Variants in RBFOX1 observed in about 807,000 individuals in gnomAD.
The protein encoded by RBFOX1 is RNA binding protein fox-1 homolog 1.
A neutral mutation model predicts 57.7 loss-of-function variants in RBFOX1; 8 were observed. The observed-to-expected ratio is 0.14, with a 90% CI of 0.08 to 0.25. The LOEUF (loss-of-function observed/expected upper bound fraction) is 0.25, where lower values mean the gene tolerates loss of function less well. RBFOX1 is among the 10% of genes least tolerant of loss of function. The pLI is 1.00. For missense variants in RBFOX1, 611 were observed against 548.5 expected (o/e 1.11, Z -1.14); for synonymous variants, 326 against 222.4 (o/e 1.47, Z -4.15).
At chr16:7,155,736 T>TACACAC (rs1476111320) in intron 4 of RBFOX1, among the ~76,000 whole-genome samples, 3 of 83,378 alleles carry the variant, frequency 3.6e-5, no homozygotes, top group Non-Finnish European at 6.3e-5. Context: ...TATATATATA[T>TACACAC]ATACACACAC....
intron 2 of RBFOX1, among the ~76,000 whole-genome samples, chr16:6,420,413 A>G (rs955525927): frequency 2.6e-5 from 4 of 152,066 alleles, no homozygotes; most frequent in Non-Finnish European, 5.9e-5. Flanking sequence ...GCACTTTATA[A>G]TTTTTACAAT....
chr16:6,537,811 G>C (rs560997299), intron 2 of RBFOX1, among the ~76,000 whole-genome samples: 1 of 152,172 alleles, frequency 6.6e-6, no homozygotes, highest in Admixed American at 6.5e-5. Flanking sequence ...TTCAGGAAAT[G>C]ATTTACATAT....
intron 11 of RBFOX1, among the ~76,000 whole-genome samples, chr16:7,647,266 G>T (rs1028074798): frequency 7.2e-5 from 11 of 152,118 alleles, no homozygotes; most frequent in Non-Finnish European, 1.2e-4. Context: ...TGCTCAATTG[G>T]TATTTTCTCT....
intron 4 of RBFOX1, among the ~76,000 whole-genome samples, chr16:7,138,538 T>G (rs2072695044): frequency 6.6e-6 from 1 of 152,178 alleles, no homozygotes; most frequent in Non-Finnish European, 1.5e-5. Context: ...AGCACAGTTT[T>G]GTGTTATTGT....
intron 3 of RBFOX1, among the ~76,000 whole-genome samples, chr16:6,980,559 C>G (rs1390123631): frequency 3.3e-5 from 5 of 152,184 alleles, no homozygotes; most frequent in African/African-American, 4.8e-5. Context: ...ACATGAGAAT[C>G]AAAAGCGAGT....
At chr16:5,940,542 T>C (rs539799711) in intron 4 of RBFOX1, among the ~76,000 whole-genome samples, 2 of 152,314 alleles carry the variant, frequency 1.3e-5, no homozygotes, top group African/African-American at 4.8e-5. Context: ...GTTTGTAGAA[T>C]TTTAATGACA....
At chr16:7,394,106 C>T (rs896487682) in intron 4 of RBFOX1, among the ~76,000 whole-genome samples, 12 of 151,618 alleles carry the variant, frequency 7.9e-5, no homozygotes, top group African/African-American at 2.4e-4. Flanking sequence ...TGTCCTGGTG[C>T]GTGCCTGTAA....
intron 3 of RBFOX1, among the ~76,000 whole-genome samples, chr16:6,659,499 C>T (rs1027475451): frequency 6.6e-6 from 1 of 152,080 alleles, no homozygotes; most frequent in African/African-American, 2.4e-5. Flanking sequence ...ATACTTAAAA[C>T]AGTTGTGGTG....
chr16:5,498,769 A>C (rs772718059), intron 2 of RBFOX1, among the ~76,000 whole-genome samples: 3 of 152,170 alleles, frequency 2.0e-5, no homozygotes, highest in Non-Finnish European at 4.4e-5. Flanking sequence ...ATTATCTGGC[A>C]ATTATATTTT....
intron 4 of RBFOX1, among the ~76,000 whole-genome samples, chr16:7,155,088 G>A (rs1416162493): frequency 6.6e-6 from 1 of 152,248 alleles, no homozygotes; most frequent in African/African-American, 2.4e-5. Flanking sequence ...AGGTATCAAT[G>A]CAAACTCTCC....
At chr16:7,530,145 A>C (rs937705040) in intron 5 of RBFOX1, among the ~76,000 whole-genome samples, 11 of 152,148 alleles carry the variant, frequency 7.2e-5, no homozygotes, top group Non-Finnish European at 1.5e-4. Context: ...TGAGATGACT[A>C]TCTTATCTTC....
intron 2 of RBFOX1, among the ~76,000 whole-genome samples, chr16:5,545,982 A>G (rs2045184962): frequency 6.6e-6 from 1 of 152,192 alleles, no homozygotes; most frequent in Admixed American, 6.5e-5. Context: ...GAGATTATAG[A>G]ACAGTAAGAT....
intron 2 of RBFOX1, among the ~76,000 whole-genome samples, chr16:6,492,729 C>A (rs942454586): frequency 1.3e-5 from 2 of 152,112 alleles, no homozygotes; most frequent in Admixed American, 1.3e-4. Context: ...GAGGAAATAC[C>A]TAAGTAGGGT....
At chr16:7,634,488 G>C (rs1370212392) in intron 11 of RBFOX1, among the ~76,000 whole-genome samples, 1 of 151,720 alleles carries the variant, frequency 6.6e-6, no homozygotes, top group East Asian at 1.9e-4. Context: ...GGTTTTTAAA[G>C]GAACCCTGCT....
intron 2 of RBFOX1, among the ~76,000 whole-genome samples, chr16:6,410,442 G>A (rs1270345706): frequency 6.6e-6 from 1 of 151,570 alleles, no homozygotes; most frequent in Non-Finnish European, 1.5e-5. Context: ...CTCCCGAGTA[G>A]CTGGGACTAC....
chr16:6,028,509 T>TAAAAAAAAAAAA (rs36218292), intron 1 of RBFOX1, among the ~76,000 whole-genome samples: 2 of 104,518 alleles, frequency 1.9e-5, no homozygotes, highest in African/African-American at 7.0e-5. Context: ...CTGTCTCTGT[T>TAAAAAAAAAAAA]AAAAAAAAAA....
chr16:7,518,049 TAC>T (rs2076751674), intron 4 of RBFOX1, 96 bp from the exon 5 acceptor site: 1 of 1,454,894 alleles, frequency 6.9e-7, no homozygotes, highest in African/African-American at 1.4e-5. Flanking sequence ...CCCTAGAAAG[TAC>T]GCGGGGCACG....
chr16:5,506,165 C>T (rs942871756), intron 2 of RBFOX1, among the ~76,000 whole-genome samples: 1 of 152,156 alleles, frequency 6.6e-6, no homozygotes, highest in Non-Finnish European at 1.5e-5. Flanking sequence ...ATGTGCCTGT[C>T]TTCACAGTGT....
At chr16:5,988,617 G>A (rs771145802) in intron 4 of RBFOX1, among the ~76,000 whole-genome samples, 18 of 152,092 alleles carry the variant, frequency 1.2e-4, no homozygotes, top group Admixed American at 3.9e-4. Context: ...CCGTGACACG[G>A]ACAGCCTCGT....
Sources: gnomAD v4.1 joint callset for allele counts (sites outside exome capture counted in the v4.1 genomes callset) on GRCh38, gnomAD v4.1.1 for gene constraint, MANE v1.5 for transcripts, NCBI Gene and HGNC (gene_info 2026-07-23, HGNC 2026-07-21) for gene names.